Variants in PROSER2 observed in about 807,000 individuals in gnomAD.
PROSER2 encodes the protein proline and serine-rich protein 2.
A neutral mutation model predicts 14.6 loss-of-function variants in PROSER2; 18 were observed. The observed-to-expected ratio is 1.23, with a 90% CI of 0.85 to 1.83. The LOEUF (loss-of-function observed/expected upper bound fraction) is 1.83, where lower values mean the gene tolerates loss of function less well. PROSER2 is among the 40% of genes most tolerant of loss of function. PROSER2 has a pLI of 0.00. For missense variants in PROSER2, 823 were observed against 629.8 expected (o/e 1.31, Z -3.28); for synonymous variants, 367 against 286.4 (o/e 1.28, Z -2.84).
intron 1 of PROSER2, among the ~76,000 whole-genome samples, chr10:11,828,301 G>GAA (rs11297440): frequency 0.12 from 16,532 of 136,102 alleles, 1,084 homozygotes; most frequent in South Asian, 0.23. Flanking sequence ...CTCTCTGTGT[G>GAA]AAAAAAAAAA....
At chr10:11,858,248 G>A (rs758943490) in intron 2 of PROSER2, among the ~76,000 whole-genome samples, 2 of 152,140 alleles carry the variant, frequency 1.3e-5, no homozygotes, top group Non-Finnish European at 2.9e-5. Context: ...TGTTTTTTAG[G>A]TAGGGGTTAC....
At chr10:11,863,571 A>G (rs1290891620) in intron 2 of PROSER2, among the ~76,000 whole-genome samples, 1 of 152,012 alleles carries the variant, frequency 6.6e-6, no homozygotes, top group Non-Finnish European at 1.5e-5. Context: ...CAGCAGAAGC[A>G]GAGTCCACAC....
At position 11,871,098 on chromosome 10, in the gene PROSER2, GTT is replaced by G. The variant is rs775186164; in HGVS notation, c.*694_*695del. The G allele has an allele frequency of 2.6e-5, 4 of 152,220 alleles. No homozygotes were observed. Among genetic ancestry groups the G allele is most frequent in the Non-Finnish European group, 5.9e-5 (4 of 68,038 alleles). 9.4% of individuals were successfully genotyped at this position (152,220 alleles called of 1,614,324 possible). ...GTCTGGGACGTGTGCGTGAGCCTGT[GTT>G]TGTGTGTGTATGTTTTTAGATACGT... On this transcript the variant is annotated 3_prime_UTR_variant, in exon 4 of 4. Coordinates refer to ENST00000277570, the MANE Select transcript of PROSER2 (RefSeq NM_153256.4).
At chr10:11,842,928 G>GTTTTTTTTTTTTTTTTTTTTT (rs1554766492) in intron 1 of PROSER2, among the ~76,000 whole-genome samples, 1 of 51,714 alleles carries the variant, frequency 1.9e-5, no homozygotes. Flanking sequence ...TTTTGCCATT[G>GTTTTTTTTTTTTTTTTTTTTT]TTCTTTTTTT....
rs1307110327 is a variant in PROSER2 at position 11,856,095 on chromosome 10, C to CA, written c.138+3882dup. On this transcript the variant is annotated intron_variant, in intron 2 of 3. Coordinates refer to ENST00000277570, the MANE Select transcript of PROSER2 (RefSeq NM_153256.4). This position sits in a 1 kb window ranked among gnomAD's most constrained non-coding sequence, Gnocchi z 5.3. ...TAAGAGGGCAGCTTTGATGTGTGTG[C>CA]AAGGCGGTGCTTCCTGACAACGTCG... Among the ~76,000 whole-genome samples, 1 of 152,216 alleles carries CA rather than the reference C, an allele frequency of 6.6e-6. No homozygotes were observed. The highest frequency in any genetic ancestry group is 2.4e-5 in the African/African-American group (1 of 41,470).
At chr10:11,828,954 C>T (rs1459231929) in intron 1 of PROSER2, among the ~76,000 whole-genome samples, 1 of 152,042 alleles carries the variant, frequency 6.6e-6, no homozygotes, top group African/African-American at 2.4e-5. Context: ...GAGAACGTAG[C>T]ATTTGAGCTG....
rs773093337 is a variant in PROSER2 at position 11,865,104 on chromosome 10, T to C, written c.139-1427T>C. ...GGCATTTCCCTGAATTATTTTATTT[T>C]ATAATTTCTTCCTCTCATTTTCTCT... On this transcript the variant is annotated intron_variant, in intron 2 of 3. Transcript: ENST00000277570. This position sits in a 1 kb window ranked among gnomAD's most constrained non-coding sequence, Gnocchi z 4.2. Among the ~76,000 whole-genome samples the C allele has an allele frequency of 6.6e-6, 1 of 152,188 alleles. No individual in the cohort carries two copies. The highest frequency in any genetic ancestry group is 1.5e-5 in the Non-Finnish European group (1 of 68,038).
At position 11,836,891 on chromosome 10, in the gene PROSER2, G is replaced by C. The variant is rs1833769607; in HGVS notation, c.-82+13421G>C. Among the ~76,000 whole-genome samples, 1 of 152,176 alleles carries C rather than the reference G, an allele frequency of 6.6e-6. No individual in the cohort carries two copies. The highest frequency in any genetic ancestry group is 2.1e-4 in the South Asian group (1 of 4,832). On this transcript the variant is annotated intron_variant, in intron 1 of 3. Coordinates refer to ENST00000277570, the MANE Select transcript of PROSER2 (RefSeq NM_153256.4). This position sits in a 1 kb window ranked among gnomAD's most constrained non-coding sequence, Gnocchi z 4.6. The stretch of plus-strand genomic sequence containing the variant: ...AACCGTGGTCCAAAAATATGCGATG[G>C]AAAATTCCAGAAATAAATCCTTCAT...
At position 11,866,619 on chromosome 10, in the gene PROSER2, T is replaced by G; in HGVS notation, c.227T>G (p.Phe76Cys). Residue 76 changes from phenylalanine (F) to cysteine (C), a missense_variant, in exon 3 of 4, where the codon TTT (phenylalanine) becomes TGT (cysteine). By Grantham distance (205) the Phe-to-Cys change is radical. Transcript: ENST00000277570. This position sits in a 1 kb window ranked among gnomAD's most constrained non-coding sequence, Gnocchi z 6.0. ...EETIDSLDED[F>C]EEPVLCDGGV... ...ACGATTGACTCCCTAGACGAGGACT[T>G]TGAGGAGCCAGTGCTGTGCGATGGA... 1.2e-6 allele frequency: 2 copies of G among 1,614,140 alleles called. No homozygotes were observed. Among genetic ancestry groups the G allele is most frequent in the Non-Finnish European group, 1.7e-6 (2 of 1,180,014 alleles).
chr10:11,824,820 A>C (rs1280581636), intron 1 of PROSER2, among the ~76,000 whole-genome samples: 1 of 152,250 alleles, frequency 6.6e-6, no homozygotes, highest in African/African-American at 2.4e-5. Context: ...AGAAATCAGA[A>C]ATCCAAAATT....
Position 11,866,898 on chromosome 10 carries a change from G to A in PROSER2, c.391+115G>A. Reference sequence around the variant, plus strand: ...CAGTAGAAGTTGTTGAGTCTTACCAGATTTTTATAGGGGAAAATACTCCTT... The same window carrying A: ...CAGTAGAAGTTGTTGAGTCTTACCAAATTTTTATAGGGGAAAATACTCCTT... On this transcript the variant is annotated intron_variant, in intron 3 of 3. Coordinates refer to ENST00000277570, the MANE Select transcript of PROSER2 (RefSeq NM_153256.4). This position sits in a 1 kb window ranked among gnomAD's most constrained non-coding sequence, Gnocchi z 6.0. 3 of 1,217,910 alleles carry A rather than the reference G, an allele frequency of 2.5e-6. 1 individual carries two copies. The highest frequency in any genetic ancestry group is 3.4e-6 in the Non-Finnish European group (3 of 894,586). The allele number at this position is 1,217,910 out of a possible 1,614,324, so 75.4% of individuals were successfully genotyped here. A position where few individuals can be genotyped will look rare whatever the true frequency, so the allele number is the denominator to read the frequency against.
Position 11,863,539 on chromosome 10 carries a change from C to T in PROSER2, c.139-2992C>T, listed in dbSNP as rs367912782. Among the ~76,000 whole-genome samples, 1,172 of 149,138 alleles carry T rather than the reference C, an allele frequency of 7.9e-3. 9 individuals carry two copies. The highest frequency in any genetic ancestry group is 0.037 in the Middle Eastern group (11 of 294). ...TGGCAACGGGAGTGAAACCATCCCC[C>T]CCACAAAAAAAAAAAAAAGTACAGC... On this transcript the variant is annotated intron_variant, in intron 2 of 3. Coordinates refer to ENST00000277570, the MANE Select transcript of PROSER2 (RefSeq NM_153256.4).
Position 11,869,768 on chromosome 10 carries a change from G to C in PROSER2, c.670G>C (p.Glu224Gln), listed in dbSNP as rs565738426. ...TSPFREGRPG[E>Q]WRTPAARGPR... ...CCCGTTCAGGGAGGGCCGGCCCGGG[G>C]AGTGGAGGACACCTGCCGCCCGGGG... is the stretch of plus-strand genomic sequence containing the variant. Residue 224 changes from glutamate (E) to glutamine (Q), a missense_variant, in exon 4 of 4, where the codon GAG (glutamate) becomes CAG (glutamine). Glu to Gln is a conservative substitution (Grantham distance 29). Transcript: ENST00000277570. This position sits in a 1 kb window ranked among gnomAD's most constrained non-coding sequence, Gnocchi z 4.4. 1.1e-5 allele frequency: 17 copies of C among 1,567,826 alleles called. No homozygotes were observed. In the African/African-American group the frequency reaches 1.9e-4, roughly 17 times the overall value.
At position 11,856,238 on chromosome 10, in the gene PROSER2, G is replaced by A. The variant is rs1185087449; in HGVS notation, c.138+4023G>A. Among the ~76,000 whole-genome samples the A allele has an allele frequency of 3.9e-5, 6 of 152,090 alleles. No individual in the cohort carries two copies. Among genetic ancestry groups the A allele is most frequent in the Admixed American group, 1.3e-4 (2 of 15,276 alleles). On this transcript the variant is annotated intron_variant, in intron 2 of 3. Transcript: ENST00000277570. The surrounding 1 kb of genome is among the most constrained non-coding windows in gnomAD (Gnocchi z 5.3). ...TCTCCTCTCCATGGCTGCTGCAGGC[G>A]GCTCTGGGTGTTTGGTTACCACCGT...
At chr10:11,843,364 C>T (rs1475952869) in intron 1 of PROSER2, among the ~76,000 whole-genome samples, 113 of 150,638 alleles carry the variant, frequency 7.5e-4, no homozygotes, top group African/African-American at 2.7e-3. Flanking sequence ...ACCAGCCTGG[C>T]CAACATGGTG....
intron 2 of PROSER2, among the ~76,000 whole-genome samples, chr10:11,854,024 A>G (rs1834078171): frequency 6.6e-6 from 1 of 152,198 alleles, no homozygotes; most frequent in African/African-American, 2.4e-5. Context: ...GCCCACTCAT[A>G]GGACGCCTAT....
intron 1 of PROSER2, among the ~76,000 whole-genome samples, chr10:11,829,380 T>G (rs1833659985): frequency 6.9e-6 from 1 of 145,020 alleles, no homozygotes; most frequent in Admixed American, 7.1e-5. Context: ...AACCCAGGAG[T>G]TTGAGACCAG....
chr10:11,863,715 C>T (rs192603978), intron 2 of PROSER2, among the ~76,000 whole-genome samples: 1 of 152,296 alleles, frequency 6.6e-6, no homozygotes, highest in Admixed American at 6.5e-5. Flanking sequence ...CCACTATTGA[C>T]ATATTGCTAT....
intron 1 of PROSER2, among the ~76,000 whole-genome samples, chr10:11,826,170 T>A (rs1340928334): frequency 6.6e-6 from 1 of 152,212 alleles, no homozygotes; most frequent in Non-Finnish European, 1.5e-5. Flanking sequence ...GCACAATGTT[T>A]TTCAAGGTCC....
Sources: gnomAD v4.1 joint callset for allele counts (sites outside exome capture counted in the v4.1 genomes callset) on GRCh38, gnomAD v4.1.1 for gene constraint, Gnocchi (gnomAD v3.1) non-coding constraint, MANE v1.5 for transcripts, NCBI Gene and HGNC (gene_info 2026-07-23, HGNC 2026-07-21) for gene names.